The following LRBA variants were observed in gnomAD, a reference collection of about 807,000 sequenced individuals.
The protein encoded by LRBA is lipopolysaccharide-responsive and beige-like anchor protein.
Under a neutral mutation model 330.0 loss-of-function variants are expected in LRBA, and 176 were observed. That is an observed-to-expected ratio of 0.53 (90% CI 0.47 to 0.60). The LOEUF is 0.60. LRBA is among the 20% of genes least tolerant of loss of function. The pLI is 0.00. For synonymous variants in LRBA, 1,230 were observed against 1,193.0 expected (o/e 1.03, Z -0.64); for missense variants, 3,259 against 3,444.8 (o/e 0.95, Z 1.35).
At chr4:150,706,782 A>C (rs1045275642) in intron 36 of LRBA, among the ~76,000 whole-genome samples, 2 of 151,732 alleles carry the variant, frequency 1.3e-5, no homozygotes, top group African/African-American at 4.8e-5. Context: ...AACAGCTGCA[A>C]AGGACATGCT....
At chr4:150,582,913 C>G in intron 40 of LRBA, 1 of 1,257,358 alleles carries the variant, frequency 8.0e-7, no homozygotes, top group Non-Finnish European at 1.1e-6. Flanking sequence ...GAAAGTAGGG[C>G]TTAACGGGGA....
chr4:150,502,896 G>A (rs184555638), intron 40 of LRBA, among the ~76,000 whole-genome samples: 249 of 152,356 alleles, frequency 1.6e-3, no homozygotes, highest in African/African-American at 5.6e-3. Context: ...TGGCACACAA[G>A]GAGATTATAT....
At chr4:150,897,886 T>C (rs1339377204) in intron 14 of LRBA, 68 bp from the exon 15 acceptor site, 4 of 1,055,070 alleles carry the variant, frequency 3.8e-6, no homozygotes, top group Non-Finnish European at 5.8e-6. Context: ...AGTATAAAAT[T>C]CTCATTCCCA....
chr4:150,684,584 T>C (rs1252676524), intron 36 of LRBA, among the ~76,000 whole-genome samples: 1 of 152,182 alleles, frequency 6.6e-6, no homozygotes, highest in African/African-American at 2.4e-5. Flanking sequence ...ACACTATAAT[T>C]GCTAGTCTCC....
In LRBA at chr4:150,628,903, T is replaced by G. The variant is rs532412918; in HGVS notation, c.5922-29772A>C. Among the ~76,000 whole-genome samples, 3 of 152,286 alleles carry G rather than the reference T, an allele frequency of 2.0e-5. No individual in the cohort carries two copies. In the East Asian group the frequency reaches 5.8e-4, roughly 29 times the overall value. ...CACTTCTAAGTCATTCCTCTCAAAA[T>G]TTTTGCTGTTGTTTTTGAGAAAGGG... On this transcript the variant is annotated intron_variant, in intron 37 of 56. Transcript: ENST00000651943.
chr4:150,315,171 T>C (rs758449847), intron 51 of LRBA: 3 of 270,366 alleles, frequency 1.1e-5, no homozygotes, highest in Non-Finnish European at 2.1e-5. Flanking sequence ...ATTATGAAAA[T>C]TTTCCTAGCA....
intron 55 of LRBA, among the ~76,000 whole-genome samples, chr4:150,278,557 T>C (rs2126745872): frequency 6.6e-6 from 1 of 152,296 alleles, no homozygotes; most frequent in South Asian, 2.1e-4. Flanking sequence ...CAGCATTTTC[T>C]TGCTCCAGGG....
intron 42 of LRBA, among the ~76,000 whole-genome samples, chr4:150,476,909 T>G (rs1314008693): frequency 6.6e-6 from 1 of 152,194 alleles, no homozygotes; most frequent in Non-Finnish European, 1.5e-5. Flanking sequence ...ACAGGACTAA[T>G]TCTCTTGCTG....
chr4:150,658,017 G>C (rs973757027), intron 37 of LRBA, among the ~76,000 whole-genome samples: 2 of 152,052 alleles, frequency 1.3e-5, no homozygotes, highest in African/African-American at 4.8e-5. Flanking sequence ...CACTTGCCTA[G>C]TGTGTAATTA....
At chr4:150,640,793 T>TA (rs1157867275) in intron 37 of LRBA, among the ~76,000 whole-genome samples, 6 of 151,984 alleles carry the variant, frequency 3.9e-5, no homozygotes, top group Admixed American at 1.3e-4. Flanking sequence ...GCTTTTCCTT[T>TA]AAAAAAAATT....
At chr4:150,971,389 C>A (rs1032071830) in intron 2 of LRBA, among the ~76,000 whole-genome samples, 2 of 152,152 alleles carry the variant, frequency 1.3e-5, no homozygotes, top group African/African-American at 4.8e-5. Flanking sequence ...TGTAAGCCAG[C>A]CCAGTCAAAA....
intron 39 of LRBA, among the ~76,000 whole-genome samples, chr4:150,589,025 ATGTC>A (rs1772471150): frequency 6.9e-6 from 1 of 144,838 alleles, no homozygotes; most frequent in Non-Finnish European, 1.5e-5. Flanking sequence ...TATGTCTGTT[ATGTC>A]TGTGTGTGTA....
intron 37 of LRBA, among the ~76,000 whole-genome samples, chr4:150,672,601 A>G (rs1203257838): frequency 2.0e-5 from 3 of 152,078 alleles, no homozygotes; most frequent in African/African-American, 7.2e-5. Flanking sequence ...CTCCGTATTA[A>G]AAATACCCTC....
At chr4:150,986,758 C>G (rs756386525) in intron 2 of LRBA, among the ~76,000 whole-genome samples, 3 of 152,142 alleles carry the variant, frequency 2.0e-5, no homozygotes, top group Non-Finnish European at 2.9e-5. Flanking sequence ...TTACTTGACA[C>G]AGGATGCCAA....
At chr4:150,777,086 T>TGTTGTC (rs1226533025) in intron 34 of LRBA, among the ~76,000 whole-genome samples, 1 of 151,138 alleles carries the variant, frequency 6.6e-6, no homozygotes, top group Non-Finnish European at 1.5e-5. Flanking sequence ...TTGTTGTTGT[T>TGTTGTC]GTTGTTGTTG....
chr4:150,340,573 G>A (rs867644767), intron 48 of LRBA, among the ~76,000 whole-genome samples: 7 of 152,044 alleles, frequency 4.6e-5, no homozygotes, highest in East Asian at 1.9e-4. Context: ...GGGCCTAAGC[G>A]ATCCTCCCAC....
intron 36 of LRBA, among the ~76,000 whole-genome samples, chr4:150,705,910 C>T (rs574132581): frequency 6.6e-6 from 1 of 152,010 alleles, no homozygotes; most frequent in South Asian, 2.1e-4. Context: ...TATTTTTTAA[C>T]ATCACACTGG....
chr4:150,492,690 A>G lies in LRBA; in HGVS notation c.6331-1655T>C, dbSNP rs973074414. Among the ~76,000 whole-genome samples the G allele has an allele frequency of 3.3e-5, 5 of 152,314 alleles. No individual in the cohort carries two copies. The South Asian group carries it at 1.0e-3, about 32-fold the overall frequency. ...TATCCAGTGACTTCCCATGACATGT[A>G]TAATAAACTCTTAAGCTCTTTATGA... On this transcript the variant is annotated intron_variant, in intron 40 of 56. Coordinates refer to ENST00000651943, the MANE Select transcript of LRBA (RefSeq NM_001364905.1).
intron 28 of LRBA, 28 bp from the exon 29 acceptor site, chr4:150,832,004 T>A (rs1473278127): frequency 7.2e-7 from 1 of 1,384,966 alleles, no homozygotes; most frequent in Non-Finnish European, 9.7e-7. Flanking sequence ...AGGAGTTGAT[T>A]ATGTAACCAT....
Sources: gnomAD v4.1 joint callset for allele counts (sites outside exome capture counted in the v4.1 genomes callset) on GRCh38, gnomAD v4.1.1 for gene constraint, MANE v1.5 for transcripts, NCBI Gene and HGNC (gene_info 2026-07-23, HGNC 2026-07-21) for gene names.